Variants in ENPP2 observed in about 807,000 individuals in gnomAD.
ENPP2 encodes the protein ectonucleotide pyrophosphatase/phosphodiesterase 2.
In ENPP2, 51 loss-of-function variants were observed where a neutral mutation model predicts 120.2. The observed-to-expected ratio is 0.42, with a 90% confidence interval of 0.34 to 0.54. ENPP2 has a LOEUF of 0.54. Ranked by LOEUF, ENPP2 falls within the 20% of genes least tolerant of loss-of-function variation. The probability of loss-of-function intolerance (pLI) is 0.04; values close to 1 mark genes in which losing one functional copy is unlikely to be tolerated. For synonymous variants in ENPP2, 365 were observed against 366.4 expected (o/e 1.00, Z 0.04); for missense variants, 920 against 1,066.5 (o/e 0.86, Z 1.91).
At chr8:119,641,370 C>G (rs529917621), upstream of ENPP2, among the ~76,000 whole-genome samples, 48 of 149,256 alleles carry the variant, frequency 3.2e-4, no homozygotes, top group African/African-American at 9.3e-4. Flanking sequence ...TTAAGAAATT[C>G]AACTAAAATG....
At chr8:119,625,587 G>A (rs1372403569) in intron 3 of ENPP2, among the ~76,000 whole-genome samples, 2 of 152,118 alleles carry the variant, frequency 1.3e-5, no homozygotes, top group African/African-American at 4.8e-5. Context: ...AAGCATAAAA[G>A]TCCAAAAACA....
chr8:119,651,935 G>A (rs771084131), intron 1 of ENPP2, among the ~76,000 whole-genome samples: 4 of 152,150 alleles, frequency 2.6e-5, no homozygotes, highest in Non-Finnish European at 4.4e-5. Flanking sequence ...GAAAGCTTAC[G>A]CTGTGTCAAG....
At chr8:119,641,040 C>A (rs750844731), upstream of ENPP2, among the ~76,000 whole-genome samples, 4 of 152,088 alleles carry the variant, frequency 2.6e-5, no homozygotes, top group Non-Finnish European at 5.9e-5. Context: ...AACCACCGTG[C>A]CTGGCCCTCA....
chr8:119,580,127 C>A lies in ENPP2; in HGVS notation c.1769G>T (p.Gly590Val), dbSNP rs917596731. The A allele has an allele frequency of 6.2e-7, 1 of 1,613,110 alleles. No homozygotes were observed. The highest frequency in any genetic ancestry group is 8.5e-7 in the Non-Finnish European group (1 of 1,179,108). ...CAACCACCCCTTACCTTCTGTAGAC[C>A]CTTTTGTATGAAGCCGTTTGTTGAG... ...DELNKRLHTK[G>V]STEERHLLYG... The change falls in exon 19 of 25, where the codon GGG becomes GTG. Residue 590 changes from glycine (G) to valine (V), a missense_variant. Gly to Val is a moderately radical substitution (Grantham distance 109). Transcript: ENST00000075322.
At chr8:119,580,244 C>G (rs1812639726) in intron 18 of ENPP2, 77 bp from the exon 19 acceptor site, 1 of 1,086,128 alleles carries the variant, frequency 9.2e-7, no homozygotes. Flanking sequence ...CTTCTGTCGA[C>G]TTAGCACCCT....
At chr8:119,602,173 A>C (rs1814358532) in intron 9 of ENPP2, among the ~76,000 whole-genome samples, 1 of 152,174 alleles carries the variant, frequency 6.6e-6, no homozygotes, top group Non-Finnish European at 1.5e-5. Flanking sequence ...TCTACCAAGA[A>C]TAGGCCAGGT....
At chr8:119,578,132 C>T (rs1448772564) in intron 19 of ENPP2, among the ~76,000 whole-genome samples, 1 of 152,160 alleles carries the variant, frequency 6.6e-6, no homozygotes, top group Non-Finnish European at 1.5e-5. Context: ...CTCACTGCAA[C>T]CTCTGCCTCC....
intron 3 of ENPP2, among the ~76,000 whole-genome samples, chr8:119,623,738 G>T (rs1587511010): frequency 2.0e-5 from 3 of 151,900 alleles, no homozygotes; most frequent in African/African-American, 7.3e-5. Flanking sequence ...TGATTCTCCT[G>T]ACTCAGCTTC....
chr8:119,584,603 A>G (rs1812980119), intron 15 of ENPP2, among the ~76,000 whole-genome samples: 1 of 152,202 alleles, frequency 6.6e-6, no homozygotes, highest in Non-Finnish European at 1.5e-5. Context: ...ATACAATACA[A>G]CTAGAGTACA....
intron 1 of ENPP2, among the ~76,000 whole-genome samples, chr8:119,652,729 T>C (rs972157277): frequency 1.3e-5 from 2 of 152,172 alleles, no homozygotes; most frequent in Non-Finnish European, 1.5e-5. Context: ...ATGTAAGATA[T>C]GTTCTTGAAC....
chr8:119,649,615 C>T (rs546691328), intron 1 of ENPP2, among the ~76,000 whole-genome samples: 45 of 152,036 alleles, frequency 3.0e-4, no homozygotes, highest in Non-Finnish European at 5.4e-4. Flanking sequence ...GAAAGTGAAA[C>T]GATGACCTAC....
chr8:119,563,536 A>G (rs1213257140), intron 23 of ENPP2, among the ~76,000 whole-genome samples: 1 of 152,206 alleles, frequency 6.6e-6, no homozygotes, highest in Non-Finnish European at 1.5e-5. Context: ...CTTTCAAGCT[A>G]CAATGAGATG....
At chr8:119,666,954 A>G (rs1417305594) in intron 1 of ENPP2, among the ~76,000 whole-genome samples, 1 of 152,150 alleles carries the variant, frequency 6.6e-6, no homozygotes, top group Non-Finnish European at 1.5e-5. Context: ...GAGAGCAACA[A>G]ATAGTTTAGT....
intron 19 of ENPP2, among the ~76,000 whole-genome samples, chr8:119,574,193 TC>T (rs1812175628): frequency 6.6e-6 from 1 of 152,130 alleles, no homozygotes; most frequent in Non-Finnish European, 1.5e-5. Context: ...AGCCTGACTC[TC>T]CTAGTCTTTA....
chr8:119,606,178 CA>C (rs1008012938), intron 9 of ENPP2, among the ~76,000 whole-genome samples: 5 of 150,380 alleles, frequency 3.3e-5, no homozygotes, highest in South Asian at 2.1e-4. Flanking sequence ...TAAAATACTT[CA>C]AAAAAAAGGG....
At chr8:119,630,397 C>A (rs558322592) in intron 2 of ENPP2, among the ~76,000 whole-genome samples, 29 of 152,206 alleles carry the variant, frequency 1.9e-4, no homozygotes, top group Admixed American at 4.6e-4. Context: ...CTTAAGCCAC[C>A]ACATCCGGCC....
At chr8:119,648,569 A>G (rs1167054080) in intron 1 of ENPP2, among the ~76,000 whole-genome samples, 4 of 152,210 alleles carry the variant, frequency 2.6e-5, no homozygotes, top group Non-Finnish European at 1.5e-5. Context: ...TCAAATCTAA[A>G]AGGAAGTTTA....
At chr8:119,606,044 T>C (rs1814696453) in intron 9 of ENPP2, among the ~76,000 whole-genome samples, 1 of 152,212 alleles carries the variant, frequency 6.6e-6, no homozygotes, top group Admixed American at 6.5e-5. Flanking sequence ...CTTCAAAGTC[T>C]AAGTCTATGG....
intron 1 of ENPP2, among the ~76,000 whole-genome samples, chr8:119,649,666 G>A (rs1242635560): frequency 2.6e-5 from 4 of 152,090 alleles, no homozygotes; most frequent in African/African-American, 4.8e-5. Context: ...AACTGATAAT[G>A]TTCAAATATC....
Sources: gnomAD v4.1 joint callset for allele counts (sites outside exome capture counted in the v4.1 genomes callset) on GRCh38, gnomAD v4.1.1 for gene constraint, MANE v1.5 for transcripts, NCBI Gene and HGNC (gene_info 2026-07-23, HGNC 2026-07-21) for gene names.